Variants in PCDH15 observed in about 807,000 individuals in gnomAD.
The protein encoded by PCDH15 is protocadherin-15.
In PCDH15, 129 loss-of-function variants were observed where a neutral mutation model predicts 178.5. That is an observed-to-expected ratio of 0.72 (90% CI 0.63 to 0.84). The LOEUF (loss-of-function observed/expected upper bound fraction) is 0.84. PCDH15 is among the 40% of genes least tolerant of loss of function. PCDH15 has a pLI of 0.00. For synonymous variants in PCDH15, 800 were observed against 732.0 expected (o/e 1.09, Z -1.50); for missense variants, 2,230 against 2,099.9 (o/e 1.06, Z -1.21).
intron 3 of PCDH15, among the ~76,000 whole-genome samples, chr10:54,394,655 T>C (rs921840572): frequency 1.3e-5 from 2 of 152,160 alleles, no homozygotes; most frequent in African/African-American, 4.8e-5. Context: ...TAACATCTTA[T>C]CAGGAGACAG....
At chr10:54,367,681 T>C (rs1565097137) in intron 5 of PCDH15, among the ~76,000 whole-genome samples, 3 of 151,676 alleles carry the variant, frequency 2.0e-5, no homozygotes, top group Non-Finnish European at 2.9e-5. Context: ...AGGAGAGGGA[T>C]AGCATTAGGA....
intron 1 of PCDH15, among the ~76,000 whole-genome samples, chr10:55,199,751 A>G (rs1393058363): frequency 6.6e-6 from 1 of 151,962 alleles, no homozygotes; most frequent in Non-Finnish European, 1.5e-5. Context: ...AGGACATAGC[A>G]CCCTGCATCC....
chr10:54,218,005 T>A (rs570308451), intron 9 of PCDH15, among the ~76,000 whole-genome samples: 1 of 152,218 alleles, frequency 6.6e-6, no homozygotes, highest in Non-Finnish European at 1.5e-5. Context: ...AGATCAAATA[T>A]GTTTAAATTC....
intron 6 of PCDH15, among the ~76,000 whole-genome samples, chr10:54,344,476 G>T (rs2134132151): frequency 6.6e-6 from 1 of 152,052 alleles, no homozygotes; most frequent in Admixed American, 6.6e-5. Flanking sequence ...ATATATTTTT[G>T]CTCTCAAACT....
At chr10:55,058,073 A>C (rs1195730568) in intron 2 of PCDH15, among the ~76,000 whole-genome samples, 1 of 152,164 alleles carries the variant, frequency 6.6e-6, no homozygotes, top group Non-Finnish European at 1.5e-5. Context: ...CAAGTGTCTT[A>C]ATAATTATGA....
intron 2 of PCDH15, among the ~76,000 whole-genome samples, chr10:55,521,571 T>C (rs1025697856): frequency 6.6e-6 from 1 of 151,994 alleles, no homozygotes; most frequent in African/African-American, 2.4e-5. Flanking sequence ...AAAACCATTG[T>C]ATCTACCAAA....
chr10:54,722,462 T>C (rs903782910), intron 1 of PCDH15, among the ~76,000 whole-genome samples: 31 of 151,742 alleles, frequency 2.0e-4, no homozygotes, highest in Admixed American at 6.6e-5. Flanking sequence ...AATAACTAAT[T>C]GCTTGTTTAG....
At chr10:55,601,060 A>G (rs1589169927) in intron 2 of PCDH15, among the ~76,000 whole-genome samples, 1 of 152,148 alleles carries the variant, frequency 6.6e-6, no homozygotes, top group African/African-American at 2.4e-5. Flanking sequence ...ACTAAACCAC[A>G]TTCAATAAAT....
intron 2 of PCDH15, among the ~76,000 whole-genome samples, chr10:55,495,715 T>C (rs1840518113): frequency 1.3e-5 from 2 of 151,716 alleles, no homozygotes; most frequent in Non-Finnish European, 2.9e-5. Flanking sequence ...ATATGACCCA[T>C]GAATTTCACT....
chr10:54,965,075 T>C (rs1428168748), intron 2 of PCDH15, among the ~76,000 whole-genome samples: 1 of 152,198 alleles, frequency 6.6e-6, no homozygotes, highest in Non-Finnish European at 1.5e-5. Flanking sequence ...ATATTAAGTA[T>C]GTACATATTA....
chr10:55,218,289 A>G (rs993138422), intron 1 of PCDH15, among the ~76,000 whole-genome samples: 2 of 152,020 alleles, frequency 1.3e-5, no homozygotes, highest in Admixed American at 1.3e-4. Context: ...TTTCCTCTCT[A>G]GTGAAATCTA....
intron 3 of PCDH15, among the ~76,000 whole-genome samples, chr10:54,810,693 C>A (rs764889716): frequency 6.6e-6 from 1 of 151,996 alleles, no homozygotes; most frequent in African/African-American, 2.4e-5. Flanking sequence ...ACTCTATTAA[C>A]AAAGGACCCT....
At chr10:54,438,097 A>G (rs988446764) in intron 3 of PCDH15, among the ~76,000 whole-genome samples, 3 of 152,022 alleles carry the variant, frequency 2.0e-5, no homozygotes, top group Admixed American at 1.3e-4. Context: ...CAATTTTGCA[A>G]CCAAATTAAA....
chr10:55,482,707 C>T (rs796858822), intron 2 of PCDH15, among the ~76,000 whole-genome samples: 6 of 151,860 alleles, frequency 4.0e-5, no homozygotes, highest in African/African-American at 1.4e-4. Flanking sequence ...GATGGGCTTC[C>T]CTTTGGAGGT....
intron 15 of PCDH15, among the ~76,000 whole-genome samples, chr10:54,126,063 A>C (rs2041961624): frequency 6.9e-6 from 1 of 144,198 alleles, no homozygotes; most frequent in South Asian, 2.3e-4. Flanking sequence ...TGGAATAAAA[A>C]GAATTACCAT....
chr10:54,386,211 T>C (rs1420726869), intron 3 of PCDH15, among the ~76,000 whole-genome samples: 2 of 150,532 alleles, frequency 1.3e-5, no homozygotes, highest in Admixed American at 1.3e-4. Flanking sequence ...AGAATTGTTT[T>C]GGGCCACACA....
At chr10:55,024,438 ATATAT>A (rs1442463732) in intron 2 of PCDH15, among the ~76,000 whole-genome samples, 2 of 121,398 alleles carry the variant, frequency 1.6e-5, no homozygotes, top group Non-Finnish European at 3.5e-5. Flanking sequence ...TAAAGGGATA[ATATAT>A]TATATATATA....
intron 2 of PCDH15, among the ~76,000 whole-genome samples, chr10:55,563,926 C>T (rs113974412): frequency 2.6e-5 from 4 of 151,742 alleles, no homozygotes; most frequent in African/African-American, 9.7e-5. Flanking sequence ...CTCAAGGAAT[C>T]CTGCAGCTTA....
At chr10:55,598,743 C>T (rs1842996414) in intron 2 of PCDH15, among the ~76,000 whole-genome samples, 1 of 151,602 alleles carries the variant, frequency 6.6e-6, no homozygotes, top group South Asian at 2.1e-4. Flanking sequence ...ATAAGGCAAG[C>T]ACACAAGCCC....
Sources: allele counts gnomAD v4.1 joint callset (sites outside exome capture counted in the v4.1 genomes callset), GRCh38; gene constraint gnomAD v4.1.1; transcripts MANE v1.5; gene names NCBI Gene and HGNC (gene_info 2026-07-23, HGNC 2026-07-21).